The following SHANK2 variants were observed in gnomAD, a reference collection of about 807,000 sequenced individuals.
The protein encoded by SHANK2 is SH3 and multiple ankyrin repeat domains 2, also known as SH3 and multiple ankyrin repeat domains protein 2.
SHANK2 carries 43 observed loss-of-function variants against 133.7 expected under a neutral mutation model. That is an observed-to-expected ratio of 0.32 (90% CI 0.25 to 0.41). The LOEUF (loss-of-function observed/expected upper bound fraction) is 0.41. Ranked by LOEUF, SHANK2 falls within the 10% of genes least tolerant of loss-of-function variation. The pLI is 1.00. For missense variants in SHANK2, 1,994 were observed against 2,235.8 expected (o/e 0.89, Z 2.18); for synonymous variants, 1,017 against 952.8 (o/e 1.07, Z -1.24).
chr11:71,221,446 T>G (rs980740804), intron 2 of SHANK2, among the ~76,000 whole-genome samples: 3 of 152,096 alleles, frequency 2.0e-5, no homozygotes, highest in Non-Finnish European at 4.4e-5. Flanking sequence ...CAAATGCCGC[T>G]TGATCCCCTG....
chr11:71,197,417 T>C (rs1953927763), intron 2 of SHANK2, among the ~76,000 whole-genome samples: 1 of 152,192 alleles, frequency 6.6e-6, no homozygotes, highest in Admixed American at 6.5e-5. Context: ...AGCAAATAAG[T>C]GTGATGGCTC....
At position 70,487,606 on chromosome 11, in the gene SHANK2, G is replaced by T. The variant is rs887963630; in HGVS notation, c.2687C>A (p.Pro896Gln). The change falls in exon 25 of 26, where the codon CCG becomes CAG. Residue 896 changes from proline (P) to glutamine (Q), a missense_variant. Physicochemically the swap from Pro to Gln is moderately conservative, Grantham distance 76. Transcript: ENST00000601538. This position sits in a 1 kb window ranked among gnomAD's most constrained non-coding sequence, Gnocchi z 5.8. ...GGTTGGGGAAGGTGGTGGTGGGGACGGGGGCACAGACTGCGGTGGAGGGGG... is the reference window on the plus strand; with the variant it reads ...GGTTGGGGAAGGTGGTGGTGGGGACTGGGGCACAGACTGCGGTGGAGGGGG... ...DIPPPPQSVP[P>Q]SPPPPSPTTY... 2 of 1,610,794 alleles carry T rather than the reference G, an allele frequency of 1.2e-6. No homozygotes were observed. The highest frequency in any genetic ancestry group is 1.3e-5 in the African/African-American group (1 of 74,782).
chr11:71,225,447 C>G (rs1045198676), intron 1 of SHANK2, among the ~76,000 whole-genome samples: 1 of 152,176 alleles, frequency 6.6e-6, no homozygotes, highest in Non-Finnish European at 1.5e-5. Context: ...GCATGGGGAG[C>G]CTGGATTTCT....
In SHANK2 at chr11:71,135,773, T is replaced by TA. The variant is rs142201730; in HGVS notation, c.207+11346dup. ...GCCCAGCCGGGGAGGACCTGATTTT[T>TA]ATCCTCAGACCGGGAAGAAGTCACA... On this transcript the variant is annotated intron_variant, in intron 3 of 25. Coordinates refer to ENST00000601538, the MANE Select transcript of SHANK2 (RefSeq NM_012309.5). Among the ~76,000 whole-genome samples the TA allele has an allele frequency of 5.4e-3, 815 of 152,264 alleles. 9 individuals are homozygous for TA. The highest frequency in any genetic ancestry group is 0.019 in the African/African-American group (777 of 41,556).
rs781817291 is a variant in SHANK2, at chr11:70,485,596, G to A, written c.4697C>T (p.Ala1566Val). ...IHKSNALYQD[A>V]LVEEDVDSFV... ...GCTATCTACATCTTCTTCCACGAGCGCGTCTTGATAAAGTGCATTGCTTTT... is the reference window on the plus strand; with the variant it reads ...GCTATCTACATCTTCTTCCACGAGCACGTCTTGATAAAGTGCATTGCTTTT... The change falls in exon 25 of 26, where the codon GCG becomes GTG. Residue 1566 changes from alanine (A) to valine (V), a missense_variant. Ala to Val is a moderately conservative substitution (Grantham distance 64). Around this residue, in one of 5 missense-constraint regions of SHANK2, gnomAD observed 797 missense variants for 907.4 expected, o/e 0.88. Transcript: ENST00000601538. The surrounding 1 kb of genome is among the most constrained non-coding windows in gnomAD (Gnocchi z 5.8). 13 of 1,613,944 alleles carry A rather than the reference G, an allele frequency of 8.1e-6. No individual in the cohort carries two copies. The highest frequency in any genetic ancestry group is 1.0e-5 in the Non-Finnish European group (12 of 1,180,036).
intron 11 of SHANK2, among the ~76,000 whole-genome samples, chr11:70,859,856 G>A (rs1555067453): frequency 6.6e-6 from 1 of 152,204 alleles, no homozygotes; most frequent in Non-Finnish European, 1.5e-5. Flanking sequence ...CACGAGGACA[G>A]ATGACCAGAC....
intron 1 of SHANK2, among the ~76,000 whole-genome samples, chr11:71,227,992 T>C (rs918617213): frequency 5.9e-5 from 9 of 151,404 alleles, no homozygotes; most frequent in African/African-American, 2.2e-4. Flanking sequence ...TAAAAGTCAA[T>C]GCAATTGACA....
chr11:71,103,835 T>A, intron 6 of SHANK2, among the ~76,000 whole-genome samples: 1 of 137,352 alleles, frequency 7.3e-6, no homozygotes, highest in South Asian at 2.6e-4. Context: ...TCTCTCTCTC[T>A]CCCTCCCTCC....
chr11:71,249,483 C>A (rs936203822), intron 1 of SHANK2, among the ~76,000 whole-genome samples: 1 of 152,166 alleles, frequency 6.6e-6, no homozygotes, highest in Non-Finnish European at 1.5e-5. Flanking sequence ...CCTGCTGCCC[C>A]AAGGAGGGGC....
intron 1 of SHANK2, among the ~76,000 whole-genome samples, chr11:71,231,657 G>A (rs1954743751): frequency 6.6e-6 from 1 of 152,174 alleles, no homozygotes; most frequent in Non-Finnish European, 1.5e-5. Context: ...GGAGGCCAAG[G>A]TAGGTGAATC....
intron 14 of SHANK2, among the ~76,000 whole-genome samples, chr11:70,714,555 C>T (rs1467442238): frequency 6.6e-6 from 1 of 152,194 alleles, no homozygotes; most frequent in Non-Finnish European, 1.5e-5. Context: ...CTGGTGATTA[C>T]ATTAATATCT....
At chr11:70,581,160 C>A (rs1045227016) in intron 17 of SHANK2, among the ~76,000 whole-genome samples, 1 of 152,154 alleles carries the variant, frequency 6.6e-6, no homozygotes, top group African/African-American at 2.4e-5. Flanking sequence ...TCAGGGACGA[C>A]GGCAAAAGTA....
At chr11:70,899,248 T>C (rs112889584) in intron 10 of SHANK2, among the ~76,000 whole-genome samples, 1,721 of 152,262 alleles carry the variant, frequency 0.011, 33 homozygotes, top group African/African-American at 0.04. Context: ...TTCCCCGTGC[T>C]GTTCTCGTGA....
chr11:71,063,585 G>A (rs1229591686), intron 9 of SHANK2, among the ~76,000 whole-genome samples: 5 of 152,212 alleles, frequency 3.3e-5, no homozygotes, highest in African/African-American at 1.2e-4. Flanking sequence ...ACAACTTGCG[G>A]CTTCAGAAAG....
chr11:70,686,573 C>T (rs1555019685), intron 15 of SHANK2, among the ~76,000 whole-genome samples: 1 of 152,152 alleles, frequency 6.6e-6, no homozygotes, highest in African/African-American at 2.4e-5. Context: ...GGACATTTGC[C>T]AGACCCTGTG....
chr11:70,954,752 C>T (rs1184830361), intron 10 of SHANK2, among the ~76,000 whole-genome samples: 1 of 152,244 alleles, frequency 6.6e-6, no homozygotes, highest in South Asian at 2.1e-4. Flanking sequence ...GGGTCCATCA[C>T]CTGATTGCCA....
intron 4 of SHANK2, among the ~76,000 whole-genome samples, chr11:71,115,652 A>G (rs1416743265): frequency 6.6e-6 from 1 of 152,058 alleles, no homozygotes; most frequent in Non-Finnish European, 1.5e-5. Context: ...ACATTCACTC[A>G]ATGTCATGAA....
At chr11:70,636,670 C>T (rs969083529) in intron 17 of SHANK2, among the ~76,000 whole-genome samples, 4 of 146,358 alleles carry the variant, frequency 2.7e-5, no homozygotes, top group African/African-American at 7.5e-5. Flanking sequence ...TGTGTGAGCA[C>T]GTGTGAGCAT....
chr11:70,476,464 C>T (rs1189378024), intron 25 of SHANK2, among the ~76,000 whole-genome samples: 2 of 152,164 alleles, frequency 1.3e-5, no homozygotes, highest in African/African-American at 2.4e-5. Flanking sequence ...ACTGGGGGTG[C>T]TGTGGCCTGT....
Sources: gnomAD v4.1 joint callset for allele counts (sites outside exome capture counted in the v4.1 genomes callset) on GRCh38, gnomAD v4.1.1 for gene constraint, gnomAD v4.1.1 regional missense constraint, Gnocchi (gnomAD v3.1) non-coding constraint, MANE v1.5 for transcripts, NCBI Gene and HGNC (gene_info 2026-07-23, HGNC 2026-07-21) for gene names.